CNTN5: variants seen among roughly 807,000 people sequenced by gnomAD.
The protein encoded by CNTN5 is contactin 5, also known as contactin-5.
CNTN5 carries 77 observed loss-of-function variants against 129.1 expected under a neutral mutation model. The ratio of observed to expected loss-of-function variants is 0.60; its 90% CI spans 0.50 to 0.72. The LOEUF (loss-of-function observed/expected upper bound fraction) is 0.72, where lower values mean the gene tolerates loss of function less well. Ranked by LOEUF, CNTN5 falls within the 30% of genes least tolerant of loss-of-function variation. The probability of loss-of-function intolerance (pLI) is 0.00; values close to 1 mark genes in which losing one functional copy is unlikely to be tolerated. For synonymous variants in CNTN5, 509 were observed against 465.6 expected, an observed-to-expected ratio of 1.09 and a Z score of -1.20; for missense variants, 1,478 against 1,328.8, an observed-to-expected ratio of 1.11 and a Z score of -1.75.
intron 15 of CNTN5, among the ~76,000 whole-genome samples, chr11:100,208,258 TTCTGTGGGTTGGC>T (rs1436865463): frequency 6.6e-6 from 1 of 152,124 alleles, no homozygotes; most frequent in African/African-American, 2.4e-5. Context: ...TAGTTCATGA[TTCTGTGGGTTGGC>T]AATGTGGGTT....
chr11:99,120,867 A>G (rs906358948), intron 1 of CNTN5, among the ~76,000 whole-genome samples: 1 of 152,170 alleles, frequency 6.6e-6, no homozygotes, highest in African/African-American at 2.4e-5. Context: ...GTTAATTAAT[A>G]ATTTATCAGA....
At chr11:99,128,302 C>T (rs1858748711) in intron 1 of CNTN5, among the ~76,000 whole-genome samples, 1 of 152,184 alleles carries the variant, frequency 6.6e-6, no homozygotes, top group African/African-American at 2.4e-5. Flanking sequence ...TTCTCTCCAG[C>T]TAGTGCTACG....
At position 99,539,488 on chromosome 11, in the gene CNTN5, A is replaced by G. The variant is rs566682332; in HGVS notation, c.-70-16657A>G. ...CTTAAATCTTAAGCTGAAAGAGAAA[A>G]CTAGTCTAAGATAAAAATATTTATG... is the stretch of plus-strand genomic sequence containing the variant. On this transcript the variant is annotated intron_variant, in intron 2 of 24. Coordinates refer to ENST00000524871, the MANE Select transcript of CNTN5 (RefSeq NM_014361.4). Among the ~76,000 whole-genome samples, 8 of 152,196 alleles carry G rather than the reference A, an allele frequency of 5.3e-5. No homozygotes were observed. In the East Asian group the frequency reaches 1.5e-3, roughly 29 times the overall value.
intron 1 of CNTN5, among the ~76,000 whole-genome samples, chr11:99,155,498 C>T (rs1437743863): frequency 2.6e-5 from 4 of 152,014 alleles, no homozygotes; most frequent in South Asian, 2.1e-4. Flanking sequence ...AGAAGTGATG[C>T]GATTGGTCAT....
rs555669264 is a variant in CNTN5, at chr11:100,277,896, T to C, written c.2314+6655T>C. Among the ~76,000 whole-genome samples the C allele has an allele frequency of 9.9e-5, 15 of 152,280 alleles. No individual in the cohort carries two copies. In the South Asian group the frequency reaches 1.2e-3, roughly 13 times the overall value. On this transcript the variant is annotated intron_variant, in intron 18 of 24. Coordinates refer to ENST00000524871, the MANE Select transcript of CNTN5 (RefSeq NM_014361.4). ...CAAGAAGTCTTTGCCTACTCCGTTG[T>C]CTTGCACAGTTTCCCCAATGTTTTC...
chr11:99,933,881 C>A (rs1251280076), intron 7 of CNTN5, among the ~76,000 whole-genome samples: 1 of 152,162 alleles, frequency 6.6e-6, no homozygotes, highest in Admixed American at 6.5e-5. Flanking sequence ...GTATATAAAT[C>A]TTCAAGTGAA....
At chr11:100,071,922 T>C (rs1943937983) in intron 12 of CNTN5, 88 bp downstream of exon 12, 1 of 1,208,738 alleles carries the variant, frequency 8.3e-7, no homozygotes, top group Non-Finnish European at 1.1e-6. Flanking sequence ...GTTTATGATG[T>C]GGTTGTAAAA....
chr11:100,088,595 A>G (rs925575088), intron 13 of CNTN5, among the ~76,000 whole-genome samples: 2 of 152,136 alleles, frequency 1.3e-5, no homozygotes, highest in Admixed American at 1.3e-4. Context: ...ATCCTCAGAG[A>G]CTATTATGAA....
intron 13 of CNTN5, among the ~76,000 whole-genome samples, chr11:100,096,241 C>A (rs951648946): frequency 2.6e-5 from 4 of 152,074 alleles, no homozygotes; most frequent in East Asian, 3.9e-4. Context: ...TAGTCCCAGG[C>A]ACATTATTTA....
At chr11:100,229,201 A>G (rs1478011852) in intron 16 of CNTN5, among the ~76,000 whole-genome samples, 1 of 151,954 alleles carries the variant, frequency 6.6e-6, no homozygotes, top group Admixed American at 6.6e-5. Context: ...CTTTTTACAC[A>G]CACACACAAA....
At chr11:99,879,335 A>G (rs1257984568) in intron 6 of CNTN5, among the ~76,000 whole-genome samples, 1 of 152,176 alleles carries the variant, frequency 6.6e-6, no homozygotes, top group Non-Finnish European at 1.5e-5. Context: ...AAAAATAAAT[A>G]AACAAAACTG....
intron 9 of CNTN5, among the ~76,000 whole-genome samples, chr11:100,022,479 A>ATAG (rs1431858746): frequency 6.6e-6 from 1 of 152,122 alleles, no homozygotes; most frequent in East Asian, 1.9e-4. Context: ...CTTTAGTTAG[A>ATAG]TAGTATTACT....
chr11:99,178,896 C>G (rs1001807940), intron 1 of CNTN5, among the ~76,000 whole-genome samples: 3 of 151,576 alleles, frequency 2.0e-5, no homozygotes, highest in Non-Finnish European at 4.4e-5. Flanking sequence ...CCAAATTGTG[C>G]CAGAAACTGA....
chr11:99,392,380 G>T (rs1429084980), intron 2 of CNTN5, among the ~76,000 whole-genome samples: 2 of 151,692 alleles, frequency 1.3e-5, no homozygotes, highest in Non-Finnish European at 3.0e-5. Context: ...GTTGATAAAA[G>T]TGCCACCCCT....
chr11:99,127,995 TAATA>T (rs1209044664), intron 1 of CNTN5, among the ~76,000 whole-genome samples: 6 of 152,210 alleles, frequency 3.9e-5, no homozygotes, highest in Admixed American at 2.6e-4. Context: ...ATGAGCAATA[TAATA>T]AATAAATATG....
At chr11:99,038,091 A>G (rs1863832140) in intron 1 of CNTN5, among the ~76,000 whole-genome samples, 1 of 152,174 alleles carries the variant, frequency 6.6e-6, no homozygotes, top group Admixed American at 6.5e-5. Flanking sequence ...AAAATACTTC[A>G]TAAAGAACAA....
At chr11:99,169,375 T>TGTGTGTGA (rs967587681) in intron 1 of CNTN5, among the ~76,000 whole-genome samples, 1 of 151,090 alleles carries the variant, frequency 6.6e-6, no homozygotes, top group African/African-American at 2.4e-5. Flanking sequence ...AAGCTATATG[T>TGTGTGTGA]GTGTGTGTGT....
intron 3 of CNTN5, among the ~76,000 whole-genome samples, chr11:99,667,955 A>C (rs377384348): frequency 1.2e-4 from 2 of 16,054 alleles, no homozygotes; most frequent in Non-Finnish European, 4.9e-4. Flanking sequence ...AAAGCAAAAG[A>C]AAAAAAAAAT....
chr11:99,577,391 A>C lies in CNTN5; in HGVS notation c.55+21122A>C, dbSNP rs553101543. On this transcript the variant is annotated intron_variant, in intron 3 of 24. Transcript: ENST00000524871. Reference sequence around the variant, plus strand: ...ATTTAGGAAAATAAATTGAGAGTACATGACTAGTGATTCTACCAATGATTA... The same window carrying C: ...ATTTAGGAAAATAAATTGAGAGTACCTGACTAGTGATTCTACCAATGATTA... Among the ~76,000 whole-genome samples, 142 of 152,316 alleles carry C rather than the reference A, an allele frequency of 9.3e-4. 1 individual carries two copies. The highest frequency in any genetic ancestry group is 3.4e-3 in the African/African-American group (140 of 41,576).
Sources: gnomAD v4.1 joint callset for allele counts (sites outside exome capture counted in the v4.1 genomes callset) on GRCh38, gnomAD v4.1.1 for gene constraint, MANE v1.5 for transcripts, NCBI Gene and HGNC (gene_info 2026-07-23, HGNC 2026-07-21) for gene names.